SSBP2: variants seen among roughly 807,000 people sequenced by gnomAD.
SSBP2 encodes the protein single stranded DNA binding protein 2.
Under a neutral mutation model 61.8 loss-of-function variants are expected in SSBP2, and 17 were observed. The observed-to-expected ratio is 0.28, with a 90% CI of 0.19 to 0.41. SSBP2 has a LOEUF of 0.41. SSBP2 is among the 10% of genes least tolerant of loss of function. The pLI, the probability that SSBP2 is intolerant of heterozygous loss-of-function variation, is 1.00. For missense variants in SSBP2, 310 were observed against 458.7 expected (o/e 0.68, Z 2.96); for synonymous variants, 139 against 141.3 (o/e 0.98, Z 0.12).
intron 2 of SSBP2, among the ~76,000 whole-genome samples, chr5:81,640,328 A>C (rs898667150): frequency 1.3e-5 from 2 of 152,142 alleles, no homozygotes; most frequent in African/African-American, 2.4e-5. Flanking sequence ...CGACAGAGTG[A>C]GACTCTGTCT....
At chr5:81,501,379 G>C (rs1395169593) in intron 5 of SSBP2, among the ~76,000 whole-genome samples, 1 of 147,042 alleles carries the variant, frequency 6.8e-6, no homozygotes, top group Non-Finnish European at 1.5e-5. Context: ...GATGTCAAAG[G>C]TATTTGTGAT....
At chr5:81,460,941 T>TA in intron 10 of SSBP2, 114 bp downstream of exon 10, 1 of 512,632 alleles carries the variant, frequency 2.0e-6, no homozygotes, top group Non-Finnish European at 3.1e-6. Flanking sequence ...AATGATTACT[T>TA]AAAAAAGGGT....
At chr5:81,581,528 T>A (rs369715926) in intron 4 of SSBP2, among the ~76,000 whole-genome samples, 1 of 152,168 alleles carries the variant, frequency 6.6e-6, no homozygotes, top group Non-Finnish European at 1.5e-5. Context: ...TTAAAAACAG[T>A]AGAGAAAAAA....
intron 1 of SSBP2, among the ~76,000 whole-genome samples, chr5:81,715,936 T>C (rs1397477163): frequency 3.9e-5 from 6 of 152,058 alleles, no homozygotes; most frequent in Non-Finnish European, 2.9e-5. Flanking sequence ...TGTGAGCCTG[T>C]AGTCCCAGCT....
At chr5:81,562,342 C>T (rs1358520929) in intron 4 of SSBP2, among the ~76,000 whole-genome samples, 1 of 152,132 alleles carries the variant, frequency 6.6e-6, no homozygotes, top group Non-Finnish European at 1.5e-5. Flanking sequence ...TTTCAAATCC[C>T]ATTAAGGGAG....
chr5:81,413,786 T>C lies in SSBP2; in HGVS notation c.*6718A>G. The C allele has an allele frequency of 6.6e-6, 1 of 152,172 alleles. No homozygotes were observed. The highest frequency in any genetic ancestry group is 3.2e-3 in the Middle Eastern group (1 of 314). The allele number at this position is 152,172 out of a possible 1,614,324, so 9.4% of individuals were successfully genotyped here. On this transcript the variant is annotated 3_prime_UTR_variant, in exon 17 of 17. Coordinates refer to ENST00000320672, the MANE Select transcript of SSBP2 (RefSeq NM_012446.5). ...TAAGATGGTGCTAAATTTAAAGTAA[T>C]TTGTTGTCAAATTATGGTAACTGTA...
chr5:81,590,189 T>G (rs938942364), intron 4 of SSBP2, among the ~76,000 whole-genome samples: 1 of 152,018 alleles, frequency 6.6e-6, no homozygotes, highest in African/African-American at 2.4e-5. Flanking sequence ...GAGATTCTAG[T>G]CATAGATTTA....
chr5:81,459,718 G>A (rs1764410605), intron 10 of SSBP2, among the ~76,000 whole-genome samples: 1 of 152,210 alleles, frequency 6.6e-6, no homozygotes, highest in South Asian at 2.1e-4. Context: ...ATCTTGACCT[G>A]CTAGACAGGT....
chr5:81,636,452 A>G, intron 3 of SSBP2, 105 bp downstream of exon 3: 2 of 961,470 alleles, frequency 2.1e-6, no homozygotes, highest in East Asian at 2.6e-5. Flanking sequence ...AGAAAATTTT[A>G]GAAAATGAAA....
chr5:81,470,714 CAA>C (rs1280216820), intron 8 of SSBP2, among the ~76,000 whole-genome samples: 1 of 151,832 alleles, frequency 6.6e-6, no homozygotes, highest in Non-Finnish European at 1.5e-5. Flanking sequence ...AATCTAGAGA[CAA>C]TATTTCAGAC....
intron 6 of SSBP2, 84 bp downstream of exon 6, chr5:81,489,166 A>C (rs1280487257): frequency 1.6e-6 from 2 of 1,248,994 alleles, no homozygotes; most frequent in Non-Finnish European, 2.3e-6. Flanking sequence ...GGAGAATTTC[A>C]TATTTTTACA....
At chr5:81,729,483 G>A (rs1438145038) in intron 1 of SSBP2, among the ~76,000 whole-genome samples, 2 of 152,086 alleles carry the variant, frequency 1.3e-5, no homozygotes, top group African/African-American at 4.8e-5. Context: ...TGAGGAACAG[G>A]TATAGAGAAT....
rs1337960267 is a variant in SSBP2, at chr5:81,488,040, T to TA, written c.432+1209dup. On this transcript the variant is annotated intron_variant, in intron 6 of 16. Transcript: ENST00000320672. Reference sequence around the variant, plus strand: ...ATATATATATATATATATATATATATATATATATATATATATATAAATAAA... The same window carrying TA: ...ATATATATATATATATATATATATATAATATATATATATATATATAAATAAA... 5.9e-3 allele frequency among the ~76,000 whole-genome samples: 167 copies of TA among 28,448 alleles called. 6 individuals are homozygous for TA. The highest frequency in any genetic ancestry group is 7.8e-3 in the Non-Finnish European group (138 of 17,590). 18.7% of individuals were successfully genotyped at this position (28,448 alleles called of 152,430 possible).
intron 10 of SSBP2, among the ~76,000 whole-genome samples, chr5:81,459,862 C>T (rs887951001): frequency 2.6e-5 from 4 of 152,152 alleles, no homozygotes; most frequent in African/African-American, 9.6e-5. Flanking sequence ...TACTCTATTC[C>T]AACACAATCT....
chr5:81,592,709 C>T (rs2153522566), intron 4 of SSBP2, among the ~76,000 whole-genome samples: 1 of 152,318 alleles, frequency 6.6e-6, no homozygotes, highest in South Asian at 2.1e-4. Flanking sequence ...GCAGCCACCG[C>T]TGCTGGTACT....
chr5:81,515,540 A>G (rs576454755), intron 4 of SSBP2, among the ~76,000 whole-genome samples: 38 of 152,044 alleles, frequency 2.5e-4, no homozygotes, highest in African/African-American at 8.4e-4. Context: ...CCAGTTGCCT[A>G]AGAAGTATAT....
chr5:81,522,294 G>C (rs1454014871), intron 4 of SSBP2, among the ~76,000 whole-genome samples: 1 of 152,024 alleles, frequency 6.6e-6, no homozygotes, highest in Non-Finnish European at 1.5e-5. Flanking sequence ...ACAGAATTGA[G>C]TGTAACATGA....
intron 4 of SSBP2, among the ~76,000 whole-genome samples, chr5:81,595,263 C>A (rs968941791): frequency 1.7e-3 from 254 of 152,282 alleles, no homozygotes; most frequent in Non-Finnish European, 3.1e-3. Flanking sequence ...AATTCCTCGA[C>A]ACATACACTC....
In SSBP2 at chr5:81,733,396, T is replaced by C. The variant is rs373932389; in HGVS notation, c.62+17585A>G. On this transcript the variant is annotated intron_variant, in intron 1 of 16. Transcript: ENST00000320672. ...TGAATGTCTTAGTCATGGTAAATTA[T>C]GGTTGTAGGGATTCCCATCAATACA... is the stretch of plus-strand genomic sequence containing the variant. Among the ~76,000 whole-genome samples, 21 of 152,118 alleles carry C rather than the reference T, an allele frequency of 1.4e-4. No individual in the cohort carries two copies. The East Asian group carries it at 3.7e-3, about 27-fold the overall frequency.
Sources: allele counts gnomAD v4.1 joint callset (sites outside exome capture counted in the v4.1 genomes callset), GRCh38; gene constraint gnomAD v4.1.1; transcripts MANE v1.5; gene names NCBI Gene and HGNC (gene_info 2026-07-23, HGNC 2026-07-21).